The following ERBB4 variants were observed in gnomAD, a reference collection of about 807,000 sequenced individuals.
ERBB4 encodes the protein erb-b2 receptor tyrosine kinase 4.
In ERBB4, 42 loss-of-function variants were observed where a neutral mutation model predicts 158.0. The observed-to-expected ratio is 0.27, with a 90% confidence interval of 0.21 to 0.34. The LOEUF (loss-of-function observed/expected upper bound fraction) is 0.34, where lower values mean the gene tolerates loss of function less well. ERBB4 is among the 10% of genes least tolerant of loss of function. The pLI is 1.00. For missense variants in ERBB4, 1,333 were observed against 1,624.1 expected, an observed-to-expected ratio of 0.82 and a Z score of 3.08; for synonymous variants, 583 against 558.7, an observed-to-expected ratio of 1.04 and a Z score of -0.61.
intron 4 of ERBB4, among the ~76,000 whole-genome samples, chr2:211,780,204 G>A (rs1326855849): frequency 1.3e-5 from 2 of 151,878 alleles, no homozygotes; most frequent in Non-Finnish European, 2.9e-5. Context: ...TCTACAAACA[G>A]TAAAAAACAA....
chr2:212,378,472 T>C (rs1291382249), intron 1 of ERBB4, among the ~76,000 whole-genome samples: 1 of 151,870 alleles, frequency 6.6e-6, no homozygotes, highest in African/African-American at 2.4e-5. Context: ...TTCTTATGTA[T>C]GATATAGTCT....
intron 3 of ERBB4, among the ~76,000 whole-genome samples, chr2:211,844,923 C>T (rs2077555547): frequency 6.6e-6 from 1 of 152,114 alleles, no homozygotes; most frequent in South Asian, 2.1e-4. Flanking sequence ...GCAAAGCCAT[C>T]AGGCATTCTT....
chr2:211,445,827 C>T (rs943877026), intron 20 of ERBB4, among the ~76,000 whole-genome samples: 1 of 152,060 alleles, frequency 6.6e-6, no homozygotes, highest in African/African-American at 2.4e-5. Flanking sequence ...CCTCCACCCC[C>T]AGAGAATTGA....
intron 3 of ERBB4, among the ~76,000 whole-genome samples, chr2:211,916,687 A>C (rs1245793616): frequency 6.6e-6 from 1 of 151,992 alleles, no homozygotes; most frequent in Admixed American, 6.6e-5. Flanking sequence ...AGGATGTGGA[A>C]CTCTTCTCTC....
chr2:212,307,988 G>A (rs1171204612), intron 1 of ERBB4, among the ~76,000 whole-genome samples: 1 of 150,238 alleles, frequency 6.7e-6, no homozygotes, highest in Non-Finnish European at 1.5e-5. Context: ...AAGAGACAAC[G>A]TTATCTGAAT....
At chr2:211,536,034 G>A (rs950523844) in intron 20 of ERBB4, among the ~76,000 whole-genome samples, 1 of 150,026 alleles carries the variant, frequency 6.7e-6, no homozygotes, top group East Asian at 1.9e-4. Context: ...CACAGACTGA[G>A]GTCTAGGCCA....
intron 25 of ERBB4, among the ~76,000 whole-genome samples, chr2:211,403,692 A>C (rs1338169897): frequency 4.6e-5 from 7 of 152,148 alleles, no homozygotes; most frequent in African/African-American, 1.7e-4. Flanking sequence ...TTCTTTAAGA[A>C]TCCCTTTCTC....
chr2:211,479,261 T>C (rs2065027504), intron 20 of ERBB4, among the ~76,000 whole-genome samples: 1 of 152,168 alleles, frequency 6.6e-6, no homozygotes, highest in Non-Finnish European at 1.5e-5. Flanking sequence ...TCAAGCTAAA[T>C]AGCTCCCCTC....
intron 1 of ERBB4, among the ~76,000 whole-genome samples, chr2:212,149,992 C>A (rs76347235): frequency 0.04 from 6,018 of 152,178 alleles, 402 homozygotes; most frequent in African/African-American, 0.14. Context: ...AAGCAGCAGG[C>A]ACTCAACAGA....
At chr2:211,678,300 CAAAAAAAAACAAACAAACAA>C (rs1433244578) in intron 13 of ERBB4, among the ~76,000 whole-genome samples, 47 of 96,578 alleles carry the variant, frequency 4.9e-4, no homozygotes, top group Admixed American at 1.9e-3. Context: ...AACAAACAAA[CAAAAAAAAACAAACAAACAA>C]AAAAAAAAAA....
At chr2:212,124,951 T>C (rs199528762) in intron 1 of ERBB4, 48 bp from the exon 2 acceptor site, 41 of 1,592,830 alleles carry the variant, frequency 2.6e-5, no homozygotes, top group African/African-American at 8.0e-5. Context: ...CTTTATATGA[T>C]ATGCGCAATG....
intron 2 of ERBB4, among the ~76,000 whole-genome samples, chr2:212,113,438 G>C (rs1323792506): frequency 2.0e-5 from 3 of 149,030 alleles, no homozygotes; most frequent in African/African-American, 7.8e-5. Context: ...GCTGGGTGTG[G>C]TGGTGGATGC....
At chr2:212,457,641 T>A (rs2106052438) in intron 1 of ERBB4, among the ~76,000 whole-genome samples, 1 of 152,202 alleles carries the variant, frequency 6.6e-6, no homozygotes, top group East Asian at 1.9e-4. Flanking sequence ...AATACTCACA[T>A]TAAAATTTAT....
chr2:212,142,185 T>C (rs1442475954), intron 1 of ERBB4, among the ~76,000 whole-genome samples: 1 of 152,180 alleles, frequency 6.6e-6, no homozygotes, highest in African/African-American at 2.4e-5. Flanking sequence ...AGTAGCATCA[T>C]TTCAAAACAT....
At chr2:211,880,840 G>C (rs1337424563) in intron 3 of ERBB4, among the ~76,000 whole-genome samples, 1 of 152,202 alleles carries the variant, frequency 6.6e-6, no homozygotes, top group Non-Finnish European at 1.5e-5. Flanking sequence ...GAAACCTGCA[G>C]TGGCAGACCA....
At chr2:212,494,093 C>T (rs889335078) in intron 1 of ERBB4, among the ~76,000 whole-genome samples, 7 of 151,724 alleles carry the variant, frequency 4.6e-5, no homozygotes, top group African/African-American at 1.7e-4. Context: ...AAATATTACA[C>T]ATAGCTGATA....
At chr2:211,388,018 T>C (rs367792114) in intron 25 of ERBB4, 26 bp from the exon 26 acceptor site, 133 of 1,533,644 alleles carry the variant, frequency 8.7e-5, no homozygotes, top group South Asian at 3.6e-4. Flanking sequence ...AATGGAATGA[T>C]GGATATAATA....
chr2:211,394,697 T>G (rs1466959323), intron 25 of ERBB4, among the ~76,000 whole-genome samples: 1 of 152,088 alleles, frequency 6.6e-6, no homozygotes, highest in Non-Finnish European at 1.5e-5. Flanking sequence ...AACTGATTCT[T>G]CAAATGAATC....
At chr2:212,358,584 G>A (rs1034142078) in intron 1 of ERBB4, among the ~76,000 whole-genome samples, 1 of 151,652 alleles carries the variant, frequency 6.6e-6, no homozygotes, top group Non-Finnish European at 1.5e-5. Context: ...CTTGATTAAT[G>A]AGGTTATATA....
Sources: gnomAD v4.1 joint callset for allele counts (sites outside exome capture counted in the v4.1 genomes callset) on GRCh38, gnomAD v4.1.1 for gene constraint, MANE v1.5 for transcripts, NCBI Gene and HGNC (gene_info 2026-07-23, HGNC 2026-07-21) for gene names.